Variants in CDH13 observed in about 807,000 individuals in gnomAD.
The protein encoded by CDH13 is cadherin 13, also known as cadherin-13.
CDH13 carries 24 observed loss-of-function variants against 63.8 expected under a neutral mutation model. The ratio of observed to expected loss-of-function variants is 0.38; its 90% CI spans 0.27 to 0.53. CDH13 has a LOEUF of 0.53. CDH13 is among the 20% of genes least tolerant of loss of function. The pLI, the probability that CDH13 is intolerant of heterozygous loss-of-function variation, is 0.85. For missense variants in CDH13, 1,049 were observed against 903.1 expected (o/e 1.16, Z -2.07); for synonymous variants, 503 against 355.3 (o/e 1.42, Z -4.67).
At chr16:83,689,356 AAAAAGCCACACATTTCAGGATTGC>A (rs1250718211) in intron 10 of CDH13, among the ~76,000 whole-genome samples, 1 of 152,180 alleles carries the variant, frequency 6.6e-6, no homozygotes, top group East Asian at 1.9e-4. Flanking sequence ...GCACTGATTG[AAAAAGCCACACATTTCAGGATTGC>A]AACAGAAGTC....
chr16:83,565,201 G>C (rs1308475233), intron 7 of CDH13, among the ~76,000 whole-genome samples: 6 of 151,926 alleles, frequency 3.9e-5, no homozygotes, highest in Admixed American at 3.9e-4. Context: ...TCTCGCCCAA[G>C]GCTTACTTCT....
intron 3 of CDH13, among the ~76,000 whole-genome samples, chr16:83,100,293 G>A (rs183831155): frequency 1.6e-4 from 25 of 152,232 alleles, no homozygotes; most frequent in African/African-American, 5.8e-4. Context: ...GAAAACAAGG[G>A]ACATAGATAC....
At chr16:83,742,270 G>T (rs918865553) in intron 10 of CDH13, among the ~76,000 whole-genome samples, 1 of 152,178 alleles carries the variant, frequency 6.6e-6, no homozygotes, top group Non-Finnish European at 1.5e-5. Flanking sequence ...GCAGGCCCCA[G>T]TAACCCCCAC....
At chr16:83,245,666 T>G (rs1343786450) in intron 5 of CDH13, among the ~76,000 whole-genome samples, 1 of 152,252 alleles carries the variant, frequency 6.6e-6, no homozygotes, top group East Asian at 1.9e-4. Context: ...AGGTTAGAGC[T>G]TAAGCTTTGA....
chr16:83,700,379 C>G (rs1195575229), intron 10 of CDH13, among the ~76,000 whole-genome samples: 1 of 152,194 alleles, frequency 6.6e-6, no homozygotes, highest in African/African-American at 2.4e-5. Flanking sequence ...AAAGGGCTCT[C>G]TGTCTTTAGA....
intron 1 of CDH13, among the ~76,000 whole-genome samples, chr16:82,835,263 G>A (rs1327401653): frequency 2.0e-5 from 3 of 152,306 alleles, no homozygotes; most frequent in Non-Finnish European, 4.4e-5. Context: ...CATGTGACCG[G>A]TGGCTGCCGC....
chr16:83,344,133 T>C (rs2090785919), intron 5 of CDH13, among the ~76,000 whole-genome samples: 1 of 152,234 alleles, frequency 6.6e-6, no homozygotes, highest in Admixed American at 6.5e-5. Context: ...CTGAGTTAAA[T>C]CAAGGTTGAA....
intron 1 of CDH13, among the ~76,000 whole-genome samples, chr16:82,742,988 A>G (rs140700845): frequency 0.034 from 5,195 of 152,316 alleles, 133 homozygotes; most frequent in Middle Eastern, 0.085. Flanking sequence ...GAAAAAAATT[A>G]TGTAAGAGAA....
At chr16:83,329,087 G>A (rs1369246719) in intron 5 of CDH13, among the ~76,000 whole-genome samples, 1 of 152,076 alleles carries the variant, frequency 6.6e-6, no homozygotes, top group African/African-American at 2.4e-5. Context: ...CAAATCTCTG[G>A]GCCACTGTAT....
At chr16:83,763,732 A>G (rs1216588214) in intron 11 of CDH13, among the ~76,000 whole-genome samples, 2 of 148,408 alleles carry the variant, frequency 1.3e-5, no homozygotes, top group East Asian at 1.9e-4. Flanking sequence ...TTGATGACCC[A>G]GCCATCATTC....
chr16:83,490,504 G>C (rs1008367763), intron 7 of CDH13, among the ~76,000 whole-genome samples: 1 of 152,250 alleles, frequency 6.6e-6, no homozygotes, highest in African/African-American at 2.4e-5. Context: ...ATCTGAGGCA[G>C]GTGCACTCAT....
chr16:82,810,768 A>C (rs566729926), intron 1 of CDH13, among the ~76,000 whole-genome samples: 1 of 152,188 alleles, frequency 6.6e-6, no homozygotes, highest in South Asian at 2.1e-4. Flanking sequence ...AGAGAGAGGA[A>C]ATGAGAGAAG....
intron 1 of CDH13, among the ~76,000 whole-genome samples, chr16:82,664,709 C>G (rs969472622): frequency 6.6e-6 from 1 of 152,152 alleles, no homozygotes; most frequent in Non-Finnish European, 1.5e-5. Context: ...TGCTTATTAA[C>G]TAACAATTTC....
At chr16:83,170,627 G>C (rs73606316) in intron 4 of CDH13, among the ~76,000 whole-genome samples, 7,149 of 152,172 alleles carry the variant, frequency 0.047, 557 homozygotes, top group African/African-American at 0.16. Context: ...TGAGGAACAA[G>C]AGATTTTGCT....
At chr16:83,023,474 T>A (rs1028614981) in intron 2 of CDH13, among the ~76,000 whole-genome samples, 5 of 152,206 alleles carry the variant, frequency 3.3e-5, no homozygotes, top group East Asian at 1.9e-4. Context: ...ATTCATAGGT[T>A]CAGAAGAGTA....
intron 3 of CDH13, among the ~76,000 whole-genome samples, chr16:83,059,602 A>G (rs903130713): frequency 2.0e-5 from 3 of 152,072 alleles, no homozygotes; most frequent in Non-Finnish European, 4.4e-5. Flanking sequence ...TTGGCCACCA[A>G]TCTGGGTAGA....
At chr16:82,888,224 G>C (rs577831890) in intron 2 of CDH13, among the ~76,000 whole-genome samples, 1 of 152,332 alleles carries the variant, frequency 6.6e-6, no homozygotes, top group South Asian at 2.1e-4. Context: ...AGGCAAATCA[G>C]ACGGGCGCTC....
intron 3 of CDH13, among the ~76,000 whole-genome samples, chr16:83,116,292 T>C (rs5008764): frequency 0.19 from 28,440 of 151,956 alleles, 3,880 homozygotes; most frequent in African/African-American, 0.39. Flanking sequence ...TCAGCATCCA[T>C]ACCTCACGGG....
At chr16:83,028,449 G>A (rs138537215) in intron 2 of CDH13, among the ~76,000 whole-genome samples, 3,302 of 152,208 alleles carry the variant, frequency 0.022, 54 homozygotes, top group Non-Finnish European at 0.035. Flanking sequence ...AAAAGGCACC[G>A]CAGCGTGCAG....
Sources: gnomAD v4.1 joint callset for allele counts (sites outside exome capture counted in the v4.1 genomes callset) on GRCh38, gnomAD v4.1.1 for gene constraint, MANE v1.5 for transcripts, NCBI Gene and HGNC (gene_info 2026-07-23, HGNC 2026-07-21) for gene names.